The following NAALADL2 variants were observed in gnomAD, a reference collection of about 807,000 sequenced individuals.
The protein encoded by NAALADL2 is N-acetylated alpha-linked acidic dipeptidase like 2, also known as inactive N-acetylated-alpha-linked acidic dipeptidase-like protein 2.
Under a neutral mutation model 87.2 loss-of-function variants are expected in NAALADL2, and 76 were observed. That is an observed-to-expected ratio of 0.87 (90% CI 0.72 to 1.05). The LOEUF (loss-of-function observed/expected upper bound fraction) is 1.05. NAALADL2 is among the 50% of genes least tolerant of loss of function. The probability of loss-of-function intolerance (pLI) is 0.00; values close to 1 mark genes in which losing one functional copy is unlikely to be tolerated. For synonymous variants in NAALADL2, 354 were observed against 331.0 expected (o/e 1.07, Z -0.75); for missense variants, 1,089 against 945.8 (o/e 1.15, Z -1.99).
At chr3:175,566,322 T>C in intron 9 of NAALADL2, among the ~76,000 whole-genome samples, 1 of 152,202 alleles carries the variant, frequency 6.6e-6, no homozygotes, top group African/African-American at 2.4e-5. Context: ...TCTAAACCCA[T>C]TCCTCATACC....
chr3:174,790,855 A>G (rs1298899649), intron 3 of NAALADL2, among the ~76,000 whole-genome samples: 2 of 152,162 alleles, frequency 1.3e-5, no homozygotes, highest in East Asian at 3.8e-4. Context: ...ATTATTTACT[A>G]TAGTTTTATA....
intron 5 of NAALADL2, among the ~76,000 whole-genome samples, chr3:175,392,982 T>A (rs1457264905): frequency 6.6e-6 from 1 of 152,204 alleles, no homozygotes; most frequent in Admixed American, 6.5e-5. Context: ...AGTTTTTTCA[T>A]CTTTAAAATG....
intron 4 of NAALADL2, among the ~76,000 whole-genome samples, chr3:175,312,408 A>G (rs1164911974): frequency 6.6e-6 from 1 of 151,192 alleles, no homozygotes; most frequent in African/African-American, 2.4e-5. Context: ...TTCTATGTAC[A>G]TTAATCCCCA....
At chr3:175,291,710 G>C (rs911757084) in intron 4 of NAALADL2, among the ~76,000 whole-genome samples, 1 of 152,036 alleles carries the variant, frequency 6.6e-6, no homozygotes, top group Non-Finnish European at 1.5e-5. Context: ...GGTTTTATGA[G>C]ATAGAATATC....
chr3:175,778,664 C>T (rs1750597945), intron 13 of NAALADL2, among the ~76,000 whole-genome samples: 1 of 152,150 alleles, frequency 6.6e-6, no homozygotes, highest in Admixed American at 6.5e-5. Context: ...CATGTTTCAG[C>T]TCATGTAATT....
intron 11 of NAALADL2, among the ~76,000 whole-genome samples, chr3:175,720,651 A>AG (rs1491156265): frequency 2.6e-5 from 4 of 151,220 alleles, no homozygotes; most frequent in African/African-American, 9.7e-5. Flanking sequence ...ACCCACATCT[A>AG]AAAAAAAATT....
chr3:175,103,752 C>T (rs546537762), intron 2 of NAALADL2, among the ~76,000 whole-genome samples: 7 of 151,984 alleles, frequency 4.6e-5, no homozygotes, highest in Admixed American at 6.6e-5. Flanking sequence ...ATAATTTAAC[C>T]GGGACAACTA....
chr3:175,379,725 C>A (rs1767566381), intron 5 of NAALADL2, among the ~76,000 whole-genome samples: 1 of 151,812 alleles, frequency 6.6e-6, no homozygotes. Context: ...ATCTTAATTC[C>A]CTCATTTTTG....
rs190730952 is a variant in NAALADL2, at chr3:175,238,059, G to A, written c.819+3855G>A. Among the ~76,000 whole-genome samples, 14 of 152,076 alleles carry A rather than the reference G, an allele frequency of 9.2e-5. No individual in the cohort carries two copies. The East Asian group carries it at 2.3e-3, about 25-fold the overall frequency. On this transcript the variant is annotated intron_variant, in intron 3 of 13. Coordinates refer to ENST00000454872, the MANE Select transcript of NAALADL2 (RefSeq NM_207015.3). ...CATTTTGCTAATGAAACTGGGTGGG[G>A]TGTTTTTTTTAAAATATTCCTGTGT...
intron 11 of NAALADL2, among the ~76,000 whole-genome samples, chr3:175,723,385 A>C (rs1742500706): frequency 6.6e-6 from 1 of 152,272 alleles, no homozygotes; most frequent in African/African-American, 2.4e-5. Context: ...AGGCCCATAG[A>C]AGTTCAAGTA....
chr3:175,793,299 TTTTC>T (rs571157454), intron 13 of NAALADL2, among the ~76,000 whole-genome samples: 5,482 of 146,990 alleles, frequency 0.037, 105 homozygotes, highest in Middle Eastern at 0.053. Context: ...CAAAACAGCA[TTTTC>T]TTTCTTTTTT....
chr3:175,642,051 C>A (rs1239858615), intron 11 of NAALADL2, among the ~76,000 whole-genome samples: 1 of 152,108 alleles, frequency 6.6e-6, no homozygotes, highest in Non-Finnish European at 1.5e-5. Context: ...AGAAACAGAA[C>A]AATGCCAGTC....
At chr3:175,676,865 T>G (rs1043602890) in intron 11 of NAALADL2, 1 of 152,022 alleles carries the variant, frequency 6.6e-6, no homozygotes, top group Non-Finnish European at 1.5e-5. Flanking sequence ...GAATCAAATG[T>G]GATGAGTCCT....
chr3:175,405,180 T>C (rs1402566733), intron 5 of NAALADL2, among the ~76,000 whole-genome samples: 1 of 152,184 alleles, frequency 6.6e-6, no homozygotes, highest in Non-Finnish European at 1.5e-5. Flanking sequence ...ACTTTAAACA[T>C]CTTTTAAACA....
At chr3:174,889,900 G>A (rs1730659660) in intron 1 of NAALADL2, among the ~76,000 whole-genome samples, 1 of 152,080 alleles carries the variant, frequency 6.6e-6, no homozygotes, top group African/African-American at 2.4e-5. Flanking sequence ...TCAGTTTATG[G>A]TAAATAAAAA....
intron 5 of NAALADL2, among the ~76,000 whole-genome samples, chr3:175,346,260 C>T (rs1053615758): frequency 2.0e-5 from 3 of 151,660 alleles, no homozygotes; most frequent in African/African-American, 7.3e-5. Context: ...TTTTTTTTAG[C>T]CACTCTTTTC....
At chr3:175,293,863 CTAAA>C (rs1428113103) in intron 4 of NAALADL2, among the ~76,000 whole-genome samples, 3 of 152,048 alleles carry the variant, frequency 2.0e-5, no homozygotes, top group Non-Finnish European at 4.4e-5. Flanking sequence ...CCATAAGAAA[CTAAA>C]TAATTAATAT....
intron 1 of NAALADL2, among the ~76,000 whole-genome samples, chr3:175,057,780 A>G (rs13319550): frequency 0.049 from 7,415 of 152,318 alleles, 208 homozygotes; most frequent in Middle Eastern, 0.13. Context: ...CAAGTTATCA[A>G]TGACTTCAAT....
intron 5 of NAALADL2, among the ~76,000 whole-genome samples, chr3:175,402,379 C>T (rs879394245): frequency 6.6e-5 from 10 of 152,024 alleles, no homozygotes; most frequent in Non-Finnish European, 1.2e-4. Flanking sequence ...TTCTTCTTGC[C>T]TCATAACTGG....
Sources: allele counts gnomAD v4.1 joint callset (sites outside exome capture counted in the v4.1 genomes callset), GRCh38; gene constraint gnomAD v4.1.1; transcripts MANE v1.5; gene names NCBI Gene and HGNC (gene_info 2026-07-23, HGNC 2026-07-21).